TRERF1: variants seen among roughly 807,000 people sequenced by gnomAD.
TRERF1 encodes the protein transcriptional regulating factor 1.
TRERF1 carries 27 observed loss-of-function variants against 122.9 expected under a neutral mutation model. The ratio of observed to expected loss-of-function variants is 0.22; its 90% CI spans 0.16 to 0.30. The LOEUF (loss-of-function observed/expected upper bound fraction) is 0.30, where lower values mean the gene tolerates loss of function less well. Among genes scored for constraint, TRERF1 ranks in the 10% least tolerant of loss-of-function variants. TRERF1 has a pLI of 1.00. For synonymous variants in TRERF1, 636 were observed against 641.7 expected, an observed-to-expected ratio of 0.99 and a Z score of 0.13; for missense variants, 1,248 against 1,560.3, an observed-to-expected ratio of 0.80 and a Z score of 3.37.
intron 2 of TRERF1, among the ~76,000 whole-genome samples, chr6:42,363,412 C>G (rs1247976132): frequency 1.3e-5 from 2 of 152,174 alleles, no homozygotes; most frequent in African/African-American, 4.8e-5. Context: ...CAGACCCTCA[C>G]CGTTTCTCGA....
At chr6:42,244,220 C>T (rs1365750704) in intron 14 of TRERF1, among the ~76,000 whole-genome samples, 1 of 147,642 alleles carries the variant, frequency 6.8e-6, no homozygotes, top group Non-Finnish European at 1.5e-5. Flanking sequence ...GTTTCACTCT[C>T]GTTGCCCAGG....
chr6:42,277,221 T>C (rs972546498), intron 4 of TRERF1, among the ~76,000 whole-genome samples: 1 of 152,104 alleles, frequency 6.6e-6, no homozygotes, highest in African/African-American at 2.4e-5. Context: ...GCCTTGCTGA[T>C]ATATTCCTGG....
chr6:42,304,140 T>C (rs768473411), intron 3 of TRERF1, among the ~76,000 whole-genome samples: 2 of 152,214 alleles, frequency 1.3e-5, no homozygotes, highest in Non-Finnish European at 2.9e-5. Flanking sequence ...GTTTGGCCAG[T>C]GGCAAAATTA....
rs114031872 is a variant in TRERF1, at chr6:42,450,328, A to T, written c.-454+849T>A. 7.1e-3 allele frequency among the ~76,000 whole-genome samples: 1,074 copies of T among 152,332 alleles called. 13 individuals carry two copies. The highest frequency in any genetic ancestry group is 0.023 in the African/African-American group (970 of 41,574). ...AAGTGCACCTGGACCGGTTTTCAGG[A>T]GATATTTTTTAATGAACTCTTTAGC... On this transcript the variant is annotated intron_variant, in intron 2 of 17. Transcript: ENST00000372922.
intron 2 of TRERF1, among the ~76,000 whole-genome samples, chr6:42,437,721 T>A (rs1017350684): frequency 2.0e-5 from 3 of 151,682 alleles, no homozygotes; most frequent in African/African-American, 7.3e-5. Flanking sequence ...AGTTCCGGAG[T>A]CTGAATCCCT....
chr6:42,369,563 G>A (rs1773398550), intron 2 of TRERF1, among the ~76,000 whole-genome samples: 1 of 152,158 alleles, frequency 6.6e-6, no homozygotes, highest in South Asian at 2.1e-4. Context: ...CTACACGTTT[G>A]CTCAGGTTTT....
rs1306424594 is a variant in TRERF1, at chr6:42,446,968, G to A, written c.-454+4209C>T. On this transcript the variant is annotated intron_variant, in intron 2 of 17. Coordinates refer to ENST00000372922, the Ensembl canonical transcript of TRERF1. Reference sequence around the variant, plus strand: ...TGCAGTGAGCTGAGATTGAGCCACAGCACTCCAGCCTGAGTGAGAGAGCAA... The same window carrying A: ...TGCAGTGAGCTGAGATTGAGCCACAACACTCCAGCCTGAGTGAGAGAGCAA... Among the ~76,000 whole-genome samples, 7 of 152,332 alleles carry A rather than the reference G, an allele frequency of 4.6e-5. No individual in the cohort carries two copies. In the East Asian group the frequency reaches 9.6e-4, roughly 21 times the overall value.
intron 4 of TRERF1, among the ~76,000 whole-genome samples, chr6:42,298,815 C>T (rs979495308): frequency 7.2e-5 from 11 of 152,048 alleles, no homozygotes; most frequent in African/African-American, 2.4e-4. Context: ...TAGCAGACGC[C>T]TGTAGTCCCA....
intron 2 of TRERF1, among the ~76,000 whole-genome samples, chr6:42,400,687 T>G (rs1168170424): frequency 6.6e-6 from 1 of 152,054 alleles, no homozygotes; most frequent in African/African-American, 2.4e-5. Context: ...AAGCTGGGGA[T>G]GGGAGAAGAC....
At chr6:42,422,330 G>A (rs1432436156) in intron 2 of TRERF1, among the ~76,000 whole-genome samples, 1 of 151,994 alleles carries the variant, frequency 6.6e-6, no homozygotes, top group Non-Finnish European at 1.5e-5. Flanking sequence ...GAACAGCCTG[G>A]CCAACATGAC....
chr6:42,291,596 C>A (rs534044264), intron 4 of TRERF1, among the ~76,000 whole-genome samples: 1 of 152,182 alleles, frequency 6.6e-6, no homozygotes, highest in South Asian at 2.1e-4. Context: ...TGCAGTGGCA[C>A]AATCTCGGCT....
In TRERF1 at chr6:42,399,894, G is replaced by C. The variant is rs138465386; in HGVS notation, c.-453-36815C>G. On this transcript the variant is annotated intron_variant, in intron 2 of 17. Transcript: ENST00000372922. ...CCTCTATGGTGTGGTAGTGAATGGA[G>C]AAAGTCACTTTTGTTGCCCACCATT... 2.6e-3 allele frequency among the ~76,000 whole-genome samples: 398 copies of C among 152,146 alleles called. 2 individuals are homozygous for C. Among genetic ancestry groups the C allele is most frequent in the African/African-American group, 9.2e-3 (383 of 41,498 alleles).
chr6:42,277,911 A>G lies in TRERF1; in HGVS notation c.-258-8063T>C, dbSNP rs866102192. Among the ~76,000 whole-genome samples the G allele has an allele frequency of 7.2e-3, 469 of 64,928 alleles. 15 individuals are homozygous for G. Among genetic ancestry groups the G allele is most frequent in the South Asian group, 0.014 (30 of 2,154 alleles). The allele number at this position is 64,928 out of a possible 152,430, so 42.6% of individuals were successfully genotyped here. On this transcript the variant is annotated intron_variant, in intron 4 of 17. Transcript: ENST00000372922. ...AAGAAGGAAGAAGGAAGAAGGAAGAAGAAGAAGAAGAAGAAGAAGAAGAAG... is the reference window on the plus strand; with the variant it reads ...AAGAAGGAAGAAGGAAGAAGGAAGAGGAAGAAGAAGAAGAAGAAGAAGAAG...
At chr6:42,311,154 G>A (rs1402917348) in intron 3 of TRERF1, among the ~76,000 whole-genome samples, 1 of 152,210 alleles carries the variant, frequency 6.6e-6, no homozygotes, top group African/African-American at 2.4e-5. Flanking sequence ...TAGTCTAGTG[G>A]AGGAGAATAA....
intron 4 of TRERF1, among the ~76,000 whole-genome samples, chr6:42,288,574 C>CAAAAA (rs3074797): frequency 1.0e-4 from 9 of 86,540 alleles, no homozygotes; most frequent in African/African-American, 2.4e-4. Flanking sequence ...ATCTCAAAAC[C>CAAAAA]AAAAAAAAAA....
At chr6:42,292,586 C>T (rs956609528) in intron 4 of TRERF1, among the ~76,000 whole-genome samples, 5 of 152,172 alleles carry the variant, frequency 3.3e-5, no homozygotes, top group Non-Finnish European at 5.9e-5. Flanking sequence ...CAAGTCTACA[C>T]TGGTCAGTGC....
intron 3 of TRERF1, among the ~76,000 whole-genome samples, chr6:42,316,722 C>T (rs990972940): frequency 1.3e-5 from 2 of 152,134 alleles, no homozygotes; most frequent in East Asian, 1.9e-4. Flanking sequence ...GGACCAAAAT[C>T]GCCTTTGTCT....
chr6:42,309,532 T>C (rs532666979), intron 3 of TRERF1, among the ~76,000 whole-genome samples: 3 of 152,304 alleles, frequency 2.0e-5, no homozygotes, highest in African/African-American at 7.2e-5. Context: ...CAGGCTTAGA[T>C]CATCTTACTC....
intron 3 of TRERF1, among the ~76,000 whole-genome samples, chr6:42,340,128 A>C (rs912997310): frequency 6.6e-6 from 1 of 152,224 alleles, no homozygotes; most frequent in Non-Finnish European, 1.5e-5. Context: ...AGCAGTTGCC[A>C]GTCACAACCA....
Sources: allele counts gnomAD v4.1 joint callset (sites outside exome capture counted in the v4.1 genomes callset), GRCh38; gene constraint gnomAD v4.1.1; transcripts MANE v1.5; gene names NCBI Gene and HGNC (gene_info 2026-07-23, HGNC 2026-07-21).